RBFOX1: variants seen among roughly 807,000 people sequenced by gnomAD.
RBFOX1 encodes the protein RNA binding protein fox-1 homolog 1.
In RBFOX1, 8 loss-of-function variants were observed where a neutral mutation model predicts 57.7. The ratio of observed to expected loss-of-function variants is 0.14; its 90% CI spans 0.08 to 0.25. RBFOX1 has a LOEUF of 0.25. RBFOX1 is among the 10% of genes least tolerant of loss of function. RBFOX1 has a pLI of 1.00. For synonymous variants in RBFOX1, 326 were observed against 222.4 expected (o/e 1.47, Z -4.15); for missense variants, 611 against 548.5 (o/e 1.11, Z -1.14).
chr16:7,341,195 T>G lies in RBFOX1; in HGVS notation c.28-176952T>G, dbSNP rs149118479. Among the ~76,000 whole-genome samples the G allele has an allele frequency of 9.6e-4, 146 of 152,320 alleles. 1 individual carries two copies. Among genetic ancestry groups the G allele is most frequent in the African/African-American group, 3.4e-3 (143 of 41,566 alleles). ...CTTGCAAGGAGCCAGCATGTTCACT[T>G]GATTCACTGCTGAGCCCTAAGAGAT... On this transcript the variant is annotated intron_variant, in intron 4 of 15. Coordinates refer to ENST00000550418, the MANE Select transcript of RBFOX1 (RefSeq NM_018723.4).
At position 5,546,245 on chromosome 16, in the gene RBFOX1, A is replaced by G. The variant is rs567837518; in HGVS notation, c.259-52657A>G. 3.9e-5 allele frequency among the ~76,000 whole-genome samples: 6 copies of G among 152,288 alleles called. No individual in the cohort carries two copies. In the South Asian group the frequency reaches 1.0e-3, roughly 26 times the overall value. ...TATTGTTAAGGTGTCAATTCTCCCA[A>G]ATTGATCTACAGAGTCAATGCAGTC... On this transcript the variant is annotated intron_variant, in intron 2 of 2. Coordinates refer to the RBFOX1 transcript ENST00000585867.
At chr16:7,069,311 C>T (rs1027598784) in intron 4 of RBFOX1, among the ~76,000 whole-genome samples, 1 of 152,136 alleles carries the variant, frequency 6.6e-6, no homozygotes, top group Non-Finnish European at 1.5e-5. Flanking sequence ...AGGTATTAAG[C>T]CCTGCGTGCA....
chr16:6,303,937 G>T (rs1344180195), intron 1 of RBFOX1, among the ~76,000 whole-genome samples: 1 of 148,108 alleles, frequency 6.8e-6, no homozygotes, highest in Non-Finnish European at 1.5e-5. Context: ...TCAGCCTCCT[G>T]AGTGGCTGGG....
intron 4 of RBFOX1, among the ~76,000 whole-genome samples, chr16:5,973,124 C>G (rs960558665): frequency 6.6e-6 from 1 of 152,142 alleles, no homozygotes; most frequent in African/African-American, 2.4e-5. Flanking sequence ...AAATAATATT[C>G]TATTCTACCT....
At chr16:7,704,256 G>GT (rs1418382096) in intron 14 of RBFOX1, among the ~76,000 whole-genome samples, 1 of 152,210 alleles carries the variant, frequency 6.6e-6, no homozygotes, top group Non-Finnish European at 1.5e-5. Context: ...TCTCATGATG[G>GT]TTGCAAGCCA....
At chr16:6,160,311 G>GAT (rs1274416211) in intron 1 of RBFOX1, among the ~76,000 whole-genome samples, 10 of 152,082 alleles carry the variant, frequency 6.6e-5, no homozygotes, top group Non-Finnish European at 1.2e-4. Context: ...GATATTGTAG[G>GAT]ATATATATAG....
chr16:6,665,398 GAGGTCA>G (rs2098725627), intron 3 of RBFOX1, among the ~76,000 whole-genome samples: 1 of 152,174 alleles, frequency 6.6e-6, no homozygotes. Flanking sequence ...TGGATTACCT[GAGGTCA>G]AGAGTTGGAG....
Position 6,916,704 on chromosome 16 carries a change from A to G in RBFOX1, c.-15-135353A>G, listed in dbSNP as rs534096432. 2.6e-5 allele frequency among the ~76,000 whole-genome samples: 4 copies of G among 152,220 alleles called. No individual in the cohort carries two copies. In the South Asian group the frequency reaches 8.3e-4, roughly 32 times the overall value. On this transcript the variant is annotated intron_variant, in intron 3 of 15. Coordinates refer to ENST00000550418, the MANE Select transcript of RBFOX1 (RefSeq NM_018723.4). Reference sequence around the variant, plus strand: ...CCTCTCATTGGCCGCAGTTATGCCCATTCCTACTTAAAAACTCTTGCATAA... The same window carrying G: ...CCTCTCATTGGCCGCAGTTATGCCCGTTCCTACTTAAAAACTCTTGCATAA...
At chr16:5,509,362 G>C (rs367576734) in intron 2 of RBFOX1, among the ~76,000 whole-genome samples, 1 of 152,096 alleles carries the variant, frequency 6.6e-6, no homozygotes, top group Non-Finnish European at 1.5e-5. Flanking sequence ...GAGGAGAAGC[G>C]GGTGATCTCC....
At chr16:6,404,587 C>G (rs909580317) in intron 2 of RBFOX1, among the ~76,000 whole-genome samples, 1 of 152,078 alleles carries the variant, frequency 6.6e-6, no homozygotes, top group Non-Finnish European at 1.5e-5. Flanking sequence ...CCTTTTTCTT[C>G]TTTTTCCTTC....
intron 2 of RBFOX1, among the ~76,000 whole-genome samples, chr16:6,490,623 C>A (rs919760004): frequency 6.6e-6 from 1 of 152,162 alleles, no homozygotes; most frequent in Non-Finnish European, 1.5e-5. Flanking sequence ...TGCATTTTAC[C>A]TGAGGCAGGA....
At chr16:5,294,423 T>G (rs973262835) in intron 1 of RBFOX1, among the ~76,000 whole-genome samples, 7 of 152,158 alleles carry the variant, frequency 4.6e-5, no homozygotes, top group African/African-American at 1.7e-4. Context: ...ATGTTTTACT[T>G]GTGTCCTTTT....
intron 4 of RBFOX1, among the ~76,000 whole-genome samples, chr16:7,329,410 G>A (rs1003236586): frequency 6.6e-6 from 1 of 152,202 alleles, no homozygotes; most frequent in East Asian, 1.9e-4. Flanking sequence ...CATGTGCACT[G>A]CCACTGGGGA....
intron 1 of RBFOX1, among the ~76,000 whole-genome samples, chr16:6,103,285 C>G (rs983666815): frequency 4.6e-5 from 7 of 152,226 alleles, no homozygotes; most frequent in African/African-American, 1.7e-4. Context: ...TACTTTCATT[C>G]TGCAGTACTC....
chr16:5,887,110 A>T (rs1277344382), intron 4 of RBFOX1, among the ~76,000 whole-genome samples: 3 of 152,186 alleles, frequency 2.0e-5, no homozygotes, highest in African/African-American at 7.2e-5. Context: ...GTTTCCAGAC[A>T]TTGGCAAATG....
chr16:7,009,715 C>A (rs1276484604), intron 3 of RBFOX1, among the ~76,000 whole-genome samples: 1 of 152,258 alleles, frequency 6.6e-6, no homozygotes, highest in African/African-American at 2.4e-5. Context: ...GTTGAGCCAA[C>A]CTAATCAGCC....
intron 1 of RBFOX1, among the ~76,000 whole-genome samples, chr16:6,058,818 A>G (rs2095647956): frequency 6.9e-6 from 1 of 144,078 alleles, no homozygotes; most frequent in Non-Finnish European, 1.5e-5. Context: ...CCACCCACTT[A>G]CCCACTCATT....
rs71145275 is a variant in RBFOX1 at position 6,685,442 on chromosome 16, A to ATTTTT, written c.-16+30805_-16+30809dup. On this transcript the variant is annotated intron_variant, in intron 3 of 15. Transcript: ENST00000550418. ...AGGCATGTGCCACTATACCCAGCTA[A>ATTTTT]TTTTTTTTTTTTTTTTTCTATTTTT... Among the ~76,000 whole-genome samples, 592 of 125,618 alleles carry ATTTTT rather than the reference A, an allele frequency of 4.7e-3. 10 individuals are homozygous for ATTTTT. The highest frequency in any genetic ancestry group is 6.7e-3 in the Non-Finnish European group (416 of 61,762). The allele number at this position is 125,618 out of a possible 152,430, so 82.4% of individuals were successfully genotyped here.
At chr16:7,550,963 G>A (rs1033736647) in intron 5 of RBFOX1, among the ~76,000 whole-genome samples, 4 of 151,616 alleles carry the variant, frequency 2.6e-5, no homozygotes, top group Admixed American at 1.3e-4. Context: ...GCATGGTGGC[G>A]GGTACCTGTA....
Sources: allele counts gnomAD v4.1 joint callset (sites outside exome capture counted in the v4.1 genomes callset), GRCh38; gene constraint gnomAD v4.1.1; transcripts MANE v1.5; gene names NCBI Gene and HGNC (gene_info 2026-07-23, HGNC 2026-07-21).